MSRA: variants seen among roughly 807,000 people sequenced by gnomAD.
The protein encoded by MSRA is mitochondrial peptide methionine sulfoxide reductase.
Under a neutral mutation model 31.3 loss-of-function variants are expected in MSRA, and 54 were observed. The observed-to-expected ratio is 1.73, with a 90% CI of 1.39 to 2.17. The LOEUF (loss-of-function observed/expected upper bound fraction) is 2.17, where lower values mean the gene tolerates loss of function less well. MSRA is among the 30% of genes most tolerant of loss of function. The probability of loss-of-function intolerance (pLI) is 0.00; values close to 1 mark genes in which losing one functional copy is unlikely to be tolerated. For synonymous variants in MSRA, 169 were observed against 116.5 expected (o/e 1.45, Z -2.90); for missense variants, 507 against 300.9 (o/e 1.69, Z -5.07).
chr8:10,290,099 C>T (rs1196971851), intron 3 of MSRA, among the ~76,000 whole-genome samples: 1 of 152,144 alleles, frequency 6.6e-6, no homozygotes, highest in Non-Finnish European at 1.5e-5. Flanking sequence ...AGATTATGCC[C>T]TCAAATGTAG....
intron 1 of MSRA, among the ~76,000 whole-genome samples, chr8:10,065,344 G>C (rs1797403749): frequency 6.6e-6 from 1 of 152,214 alleles, no homozygotes. Flanking sequence ...CAGAATGTAA[G>C]AGGGGTTTCA....
intron 1 of MSRA, among the ~76,000 whole-genome samples, chr8:10,086,061 G>C (rs188791728): frequency 7.9e-5 from 12 of 152,302 alleles, no homozygotes; most frequent in Admixed American, 2.6e-4. Context: ...CATTTCTCAT[G>C]GATAGATTTT....
In MSRA at chr8:10,354,597, G is replaced by A. The variant is rs188157580; in HGVS notation, c.543+34608G>A. Among the ~76,000 whole-genome samples the A allele has an allele frequency of 3.0e-4, 45 of 151,978 alleles. 1 individual carries two copies. The highest frequency in any genetic ancestry group is 9.4e-4 in the African/African-American group (39 of 41,430). ...CTTAAACAATAGAATCAGTATATTC[G>A]TGAAATATCGGTCAGTAAAATCAGA... On this transcript the variant is annotated intron_variant, in intron 5 of 5. Transcript: ENST00000317173.
chr8:10,092,983 TTG>T (rs1331631506), intron 1 of MSRA, among the ~76,000 whole-genome samples: 1 of 152,238 alleles, frequency 6.6e-6, no homozygotes, highest in Admixed American at 6.5e-5. Flanking sequence ...TCTGTTTTGC[TTG>T]TTAGTATAAC....
At chr8:10,404,291 C>G (rs903851569) in intron 5 of MSRA, among the ~76,000 whole-genome samples, 3 of 152,130 alleles carry the variant, frequency 2.0e-5, no homozygotes, top group African/African-American at 7.2e-5. Flanking sequence ...AGAGAAGCGT[C>G]CCCCTGGAAT....
rs1467440154 is a variant in MSRA at position 10,113,289 on chromosome 8, C to CT, written c.142+58633dup. Among the ~76,000 whole-genome samples the CT allele has an allele frequency of 1.2e-3, 59 of 50,904 alleles. 10 individuals are homozygous for CT. Among genetic ancestry groups the CT allele is most frequent in the East Asian group, 2.4e-3 (4 of 1,648 alleles). The allele number at this position is 50,904 out of a possible 152,430, so 33.4% of individuals were successfully genotyped here. A position where few individuals can be genotyped will look rare whatever the true frequency, so the allele number is the denominator to read the frequency against. ...AGGCATGGCTTTGGTGAAGACAGGT[C>CT]TTCTTTTTTTTTTTTTTTTTTTTTT... On this transcript the variant is annotated intron_variant, in intron 1 of 5. Coordinates refer to ENST00000317173, the MANE Select transcript of MSRA (RefSeq NM_012331.5).
chr8:10,253,751 G>C (rs1170696110), intron 3 of MSRA, among the ~76,000 whole-genome samples: 1 of 151,864 alleles, frequency 6.6e-6, no homozygotes, highest in Non-Finnish European at 1.5e-5. Flanking sequence ...CCTTATGGGG[G>C]TCAGGGGGTT....
At chr8:10,203,125 C>G (rs1021058899) in intron 1 of MSRA, among the ~76,000 whole-genome samples, 2 of 152,102 alleles carry the variant, frequency 1.3e-5, no homozygotes, top group Non-Finnish European at 2.9e-5. Flanking sequence ...AAAGACAAGA[C>G]AAAGCCGCCA....
At chr8:10,130,243 T>C (rs1801800836) in intron 1 of MSRA, among the ~76,000 whole-genome samples, 1 of 152,212 alleles carries the variant, frequency 6.6e-6, no homozygotes, top group Non-Finnish European at 1.5e-5. Context: ...TGTGGAACAT[T>C]TCTCAGCAAC....
chr8:10,192,265 C>T (rs1206478607), intron 1 of MSRA, among the ~76,000 whole-genome samples: 4 of 152,334 alleles, frequency 2.6e-5, no homozygotes, highest in Admixed American at 6.5e-5. Context: ...GATTAAGCTC[C>T]ACTTCTTGAC....
At chr8:10,276,082 G>C (rs1799305517) in intron 3 of MSRA, among the ~76,000 whole-genome samples, 2 of 152,296 alleles carry the variant, frequency 1.3e-5, no homozygotes, top group South Asian at 4.1e-4. Context: ...GCTTCCTGGT[G>C]GTCACTGCAG....
At chr8:10,134,086 C>T (rs1802091579) in intron 1 of MSRA, among the ~76,000 whole-genome samples, 1 of 152,194 alleles carries the variant, frequency 6.6e-6, no homozygotes, top group African/African-American at 2.4e-5. Context: ...CCCACCTCAG[C>T]CTTCCAAAGT....
rs1197320822 is a variant in MSRA at position 10,173,048 on chromosome 8, A to G, written c.143-34785A>G. The stretch of plus-strand genomic sequence containing the variant: ...AGGTGGAGAGAAAGAGAAAGCATGT[A>G]TAAAGACCATTTAAAATAGCACACT... On this transcript the variant is annotated intron_variant, in intron 1 of 5. Coordinates refer to ENST00000317173, the MANE Select transcript of MSRA (RefSeq NM_012331.5). Among the ~76,000 whole-genome samples the G allele has an allele frequency of 2.6e-5, 4 of 152,266 alleles. No homozygotes were observed. The East Asian group carries it at 7.7e-4, about 29-fold the overall frequency.
At chr8:10,127,322 A>T (rs189306546) in intron 1 of MSRA, among the ~76,000 whole-genome samples, 10 of 152,330 alleles carry the variant, frequency 6.6e-5, no homozygotes, top group African/African-American at 2.4e-4. Flanking sequence ...CTCAGGCATA[A>T]ATGGGTACGG....
At chr8:10,332,508 T>C (rs1228007983) in intron 5 of MSRA, among the ~76,000 whole-genome samples, 1 of 151,834 alleles carries the variant, frequency 6.6e-6, no homozygotes, top group East Asian at 1.9e-4. Context: ...AGTCCCTTTC[T>C]GTAGCTTTGA....
At chr8:10,246,279 C>G (rs117853192) in intron 3 of MSRA, among the ~76,000 whole-genome samples, 518 of 152,314 alleles carry the variant, frequency 3.4e-3, no homozygotes, top group Non-Finnish European at 5.7e-3. Context: ...GACCTCTATT[C>G]TAGGCTAACA....
intron 3 of MSRA, among the ~76,000 whole-genome samples, chr8:10,277,925 A>G (rs961998696): frequency 3.9e-5 from 6 of 152,210 alleles, no homozygotes; most frequent in African/African-American, 1.4e-4. Context: ...AACTCTTTAC[A>G]TAGGCAATAA....
At chr8:10,280,906 AC>A (rs1284536140) in intron 3 of MSRA, among the ~76,000 whole-genome samples, 1 of 152,216 alleles carries the variant, frequency 6.6e-6, no homozygotes, top group Non-Finnish European at 1.5e-5. Context: ...CTCGCAAAAA[AC>A]CATAGAGTGT....
At chr8:10,239,438 G>C (rs1812219556) in intron 2 of MSRA, among the ~76,000 whole-genome samples, 1 of 152,182 alleles carries the variant, frequency 6.6e-6, no homozygotes, top group Admixed American at 6.5e-5. Flanking sequence ...GGGATTACAG[G>C]CATGAGCCAC....
Sources: gnomAD v4.1 joint callset for allele counts (sites outside exome capture counted in the v4.1 genomes callset) on GRCh38, gnomAD v4.1.1 for gene constraint, MANE v1.5 for transcripts, NCBI Gene and HGNC (gene_info 2026-07-23, HGNC 2026-07-21) for gene names.